RBM19: variants seen among roughly 807,000 people sequenced by gnomAD.
RBM19 encodes probable RNA-binding protein 19.
RBM19 carries 94 observed loss-of-function variants against 116.8 expected under a neutral mutation model. That is an observed-to-expected ratio of 0.80 (90% CI 0.68 to 0.95). The LOEUF is 0.95. RBM19 is among the 40% of genes least tolerant of loss of function. The pLI is 0.00. For missense variants in RBM19, 1,161 were observed against 1,220.7 expected (o/e 0.95, Z 0.73); for synonymous variants, 475 against 494.1 (o/e 0.96, Z 0.51).
chr12:113,947,492 G>T, intron 10 of RBM19, 28 bp from the exon 11 acceptor site: 2 of 1,574,368 alleles, frequency 1.3e-6, no homozygotes, highest in Non-Finnish European at 1.7e-6. Context: ...GTCGGTCTCT[G>T]GTAGGCCGCA....
intron 19 of RBM19, among the ~76,000 whole-genome samples, chr12:113,919,713 G>A (rs1882995509): frequency 6.6e-6 from 1 of 152,148 alleles, no homozygotes; most frequent in South Asian, 2.1e-4. Context: ...CCAGCAGGAA[G>A]GCATATCTCC....
rs527809143 is a variant in RBM19, at chr12:113,910,332, C to T, written c.2558+4637G>A. ...TAAGCCTGGCCAATGGCCACTACAC[C>T]CAGGCTCCAAACTTCCCGATTCTTC... is the stretch of plus-strand genomic sequence containing the variant. On this transcript the variant is annotated intron_variant, in intron 21 of 23. Coordinates refer to ENST00000261741, the MANE Select transcript of RBM19 (RefSeq NM_016196.4). Among the ~76,000 whole-genome samples, 3 of 152,350 alleles carry T rather than the reference C, an allele frequency of 2.0e-5. No homozygotes were observed. In the South Asian group the frequency reaches 6.2e-4, roughly 32 times the overall value.
chr12:113,833,578 T>C (rs925770181), intron 23 of RBM19, among the ~76,000 whole-genome samples: 3 of 152,218 alleles, frequency 2.0e-5, no homozygotes, highest in African/African-American at 7.2e-5. Context: ...TTGGCACCCA[T>C]GGCTTCTGCT....
intron 20 of RBM19, 97 bp downstream of exon 20, chr12:113,918,295 G>T: frequency 8.7e-7 from 1 of 1,152,522 alleles, no homozygotes; most frequent in Non-Finnish European, 1.3e-6. Context: ...AGGTGGAAAG[G>T]ACATTGAAGG....
intron 21 of RBM19, among the ~76,000 whole-genome samples, chr12:113,897,562 G>A (rs965715058): frequency 2.0e-5 from 3 of 152,198 alleles, no homozygotes; most frequent in Admixed American, 6.5e-5. Context: ...CTACAATCCC[G>A]GCTACTCGGG....
intron 21 of RBM19, among the ~76,000 whole-genome samples, chr12:113,864,615 T>C (rs979923850): frequency 2.0e-5 from 3 of 152,220 alleles, no homozygotes; most frequent in Non-Finnish European, 2.9e-5. Flanking sequence ...AGGGCCCCAG[T>C]TGTGGCAAGT....
At chr12:113,930,191 C>G (rs1177982714) in intron 16 of RBM19, among the ~76,000 whole-genome samples, 1 of 152,254 alleles carries the variant, frequency 6.6e-6, no homozygotes, top group South Asian at 2.1e-4. Flanking sequence ...CTGGCCTGCC[C>G]CAGAGCACTG....
chr12:113,900,553 G>A (rs1314657446), intron 21 of RBM19, among the ~76,000 whole-genome samples: 3 of 152,156 alleles, frequency 2.0e-5, no homozygotes, highest in African/African-American at 7.2e-5. Context: ...GGCCCCGAGA[G>A]GTCATGTAAT....
intron 23 of RBM19, among the ~76,000 whole-genome samples, chr12:113,842,122 T>G (rs1876540115): frequency 6.6e-6 from 1 of 152,222 alleles, no homozygotes. Context: ...TTGGCCTGGC[T>G]GGTAAGTGGC....
chr12:113,847,469 C>A (rs1185956669), intron 22 of RBM19, among the ~76,000 whole-genome samples: 1 of 152,058 alleles, frequency 6.6e-6, no homozygotes, highest in Non-Finnish European at 1.5e-5. Context: ...CTTTAAAACA[C>A]ACGCGTTCTC....
rs1290122842 is a variant in RBM19 at position 113,835,197 on chromosome 12, C to T, written c.2785+9471G>A. Among the ~76,000 whole-genome samples, 3 of 152,286 alleles carry T rather than the reference C, an allele frequency of 2.0e-5. No individual in the cohort carries two copies. In the East Asian group the frequency reaches 5.8e-4, roughly 29 times the overall value. Reference sequence around the variant, plus strand: ...ACTGTGAAGATGAACTGAGTTAACGCTCACACAGTGTCCAGCACCTGTTAG... The same window carrying T: ...ACTGTGAAGATGAACTGAGTTAACGTTCACACAGTGTCCAGCACCTGTTAG... On this transcript the variant is annotated intron_variant, in intron 23 of 23. Transcript: ENST00000261741.
At chr12:113,925,674 C>G (rs888960790) in intron 17 of RBM19, among the ~76,000 whole-genome samples, 3 of 152,154 alleles carry the variant, frequency 2.0e-5, no homozygotes, top group African/African-American at 7.2e-5. Context: ...GTGAACTGGC[C>G]TCTCTGAAGC....
chr12:113,836,382 C>A (rs1381968405), intron 23 of RBM19, among the ~76,000 whole-genome samples: 1 of 152,162 alleles, frequency 6.6e-6, no homozygotes, highest in Non-Finnish European at 1.5e-5. Context: ...ACTTTCAAAG[C>A]CCTGTCCTTC....
intron 21 of RBM19, among the ~76,000 whole-genome samples, chr12:113,909,250 G>A (rs1882271846): frequency 6.6e-6 from 1 of 152,160 alleles, no homozygotes; most frequent in Non-Finnish European, 1.5e-5. Context: ...AGCCTCCTGA[G>A]TAACTGGGAC....
chr12:113,885,063 AAT>A (rs1491230263), intron 21 of RBM19, among the ~76,000 whole-genome samples: 1 of 152,238 alleles, frequency 6.6e-6, no homozygotes, highest in Non-Finnish European at 1.5e-5. Flanking sequence ...AGTGATGCAT[AAT>A]TCAGGTAAGG....
chr12:113,823,184 TC>T lies in RBM19; in HGVS notation c.*39del. 1.3e-6 allele frequency: 2 copies of T among 1,563,970 alleles called. No individual in the cohort carries two copies. On this transcript the variant is annotated 3_prime_UTR_variant, in exon 24 of 24. Coordinates refer to ENST00000261741, the MANE Select transcript of RBM19 (RefSeq NM_016196.4). ...GCAGAAGCTGGAGCGGCTGTCCCGG[TC>T]CCCAGGGCCCCGGAGCCACACACCC...
At chr12:113,951,062 C>T (rs1028531862) in intron 8 of RBM19, among the ~76,000 whole-genome samples, 2 of 152,124 alleles carry the variant, frequency 1.3e-5, no homozygotes, top group Non-Finnish European at 1.5e-5. Flanking sequence ...AGACTGAAGC[C>T]CACAATCTTT....
At chr12:113,895,059 C>G (rs1881226269) in intron 21 of RBM19, among the ~76,000 whole-genome samples, 1 of 152,226 alleles carries the variant, frequency 6.6e-6, no homozygotes, top group Non-Finnish European at 1.5e-5. Context: ...GCAGCATGCA[C>G]AGTGATAGTT....
intron 16 of RBM19, among the ~76,000 whole-genome samples, chr12:113,930,393 T>C (rs967022897): frequency 1.3e-5 from 2 of 152,230 alleles, no homozygotes; most frequent in African/African-American, 4.8e-5. Flanking sequence ...AAAGGGCATC[T>C]TTAAATGCCC....
Sources: gnomAD v4.1 joint callset for allele counts (sites outside exome capture counted in the v4.1 genomes callset) on GRCh38, gnomAD v4.1.1 for gene constraint, MANE v1.5 for transcripts, NCBI Gene and HGNC (gene_info 2026-07-23, HGNC 2026-07-21) for gene names.